ZNF469: variants seen among roughly 807,000 people sequenced by gnomAD.
ZNF469 encodes the protein zinc finger protein 469.
In ZNF469, 1 loss-of-function variant was observed where a neutral mutation model predicts 1.0. That is an observed-to-expected ratio of 1.00 (90% CI 0.35 to 4.73). The LOEUF is 4.73. Ranked by LOEUF, ZNF469 falls within the 30% of genes most tolerant of loss-of-function variation. ZNF469 has a pLI of 0.16. For synonymous variants in ZNF469, 2,703 were observed against 2,363.4 expected (o/e 1.14, Z -4.17); for missense variants, 6,100 against 5,356.3 (o/e 1.14, Z -4.33).
intron 1 of ZNF469, among the ~76,000 whole-genome samples, chr16:88,401,163 A>G (rs1176092747): frequency 6.6e-6 from 1 of 152,188 alleles, no homozygotes; most frequent in African/African-American, 2.4e-5. Context: ...TGGGACCCAG[A>G]GACAACCAAG....
chr16:88,241,484 C>T, the ZNF469 span, among the ~76,000 whole-genome samples: 6 of 152,124 alleles, frequency 3.9e-5, no homozygotes, highest in Non-Finnish European at 7.3e-5. The surrounding 1 kb of genome is among the most constrained non-coding windows in gnomAD (Gnocchi z 4.8). Context: ...ACAGTGCTCT[C>T]ACTGGGGTGG....
At chr16:88,185,745 C>T in the ZNF469 span, among the ~76,000 whole-genome samples, 24 of 103,520 alleles carry the variant, frequency 2.3e-4, no homozygotes, top group African/African-American at 9.2e-4. Context: ...CATACACACT[C>T]GTGTGCCCAG....
At chr16:88,349,359 C>T in the ZNF469 span, among the ~76,000 whole-genome samples, 3 of 151,882 alleles carry the variant, frequency 2.0e-5, no homozygotes, top group African/African-American at 7.3e-5. Context: ...CACAAGTACA[C>T]ACATATCACA....
the ZNF469 span, among the ~76,000 whole-genome samples, chr16:88,288,324 G>A: frequency 6.6e-6 from 1 of 152,144 alleles, no homozygotes; most frequent in Non-Finnish European, 1.5e-5. Context: ...GAACTTGGAT[G>A]TTTTCACATG....
At chr16:88,390,034 C>T (rs1231446145) in intron 1 of ZNF469, among the ~76,000 whole-genome samples, 1 of 152,230 alleles carries the variant, frequency 6.6e-6, no homozygotes, top group Non-Finnish European at 1.5e-5. Context: ...CAGCCTCCTC[C>T]CAAGGGACCC....
chr16:88,307,717 G>A, the ZNF469 span, among the ~76,000 whole-genome samples: 2 of 152,194 alleles, frequency 1.3e-5, no homozygotes, highest in African/African-American at 4.8e-5. Context: ...TGTTGCAAGA[G>A]TTCTTTATGT....
chr16:88,149,535 G>T, the ZNF469 span, among the ~76,000 whole-genome samples: 5 of 152,134 alleles, frequency 3.3e-5, no homozygotes, highest in African/African-American at 1.2e-4. Context: ...CCTTTGCAGC[G>T]CTGTGGCTTG....
the ZNF469 span, among the ~76,000 whole-genome samples, chr16:88,213,394 C>T: frequency 3.3e-5 from 5 of 152,132 alleles, no homozygotes; most frequent in Non-Finnish European, 5.9e-5. Context: ...CCACCGCGCC[C>T]GGCCTCTGTT....
At chr16:88,281,006 T>G in the ZNF469 span, among the ~76,000 whole-genome samples, 2 of 149,030 alleles carry the variant, frequency 1.3e-5, no homozygotes, top group African/African-American at 2.5e-5. Context: ...GTGTCAATTT[T>G]GGCACACAGA....
At chr16:88,195,637 T>C in the ZNF469 span, among the ~76,000 whole-genome samples, 1 of 152,126 alleles carries the variant, frequency 6.6e-6, no homozygotes, top group Admixed American at 6.5e-5. Context: ...GTAACAGTCC[T>C]CGAGAGGGCA....
At chr16:88,183,346 C>G in the ZNF469 span, among the ~76,000 whole-genome samples, 1 of 152,218 alleles carries the variant, frequency 6.6e-6, no homozygotes, top group Non-Finnish European at 1.5e-5. Context: ...CAAACCTGCA[C>G]GCAAATGTCT....
At chr16:88,212,460 C>G in the ZNF469 span, among the ~76,000 whole-genome samples, 1 of 152,112 alleles carries the variant, frequency 6.6e-6, no homozygotes, top group Non-Finnish European at 1.5e-5. Context: ...CAGTGGTATC[C>G]CTGAATTTTC....
At chr16:88,381,317 C>G (rs2092524287), upstream of ZNF469, among the ~76,000 whole-genome samples, 1 of 151,028 alleles carries the variant, frequency 6.6e-6, no homozygotes, top group South Asian at 2.1e-4. Flanking sequence ...CATGCACTCA[C>G]ACACAGAGAC....
At chr16:88,197,333 G>T in the ZNF469 span, among the ~76,000 whole-genome samples, 46 of 152,220 alleles carry the variant, frequency 3.0e-4, 1 homozygote, top group African/African-American at 1.1e-3. Flanking sequence ...TTGGCCACTA[G>T]AGCAGGAGCG....
At chr16:88,221,094 C>T in the ZNF469 span, among the ~76,000 whole-genome samples, 9 of 152,256 alleles carry the variant, frequency 5.9e-5, no homozygotes, top group East Asian at 9.7e-4. Flanking sequence ...TGCTCCTACT[C>T]GGTGTCACTG....
the ZNF469 span, among the ~76,000 whole-genome samples, chr16:88,124,894 G>A: frequency 6.6e-6 from 1 of 152,198 alleles, no homozygotes; most frequent in Admixed American, 6.5e-5. Context: ...AAGAATAGAA[G>A]TTTTCGATGT....
rs1213748610 is a variant in ZNF469, at chr16:88,431,022, C to T, written c.3552C>T (p.Ala1184=). 8 of 1,544,982 alleles carry T rather than the reference C, an allele frequency of 5.2e-6. No homozygotes were observed. In the African/African-American group the frequency reaches 6.9e-5, roughly 13 times the overall value. ...PSRSLETGAA[A]REGGPKCADR... ...GAAGCCTGGAGACGGGAGCGGCCGC[C>T]AGGGAGGGAGGCCCCAAGTGTGCTG... Residue 1184 remains alanine (A), a synonymous_variant, in exon 3 of 3, where the codon GCC becomes GCT. Transcript: ENST00000565624.
the ZNF469 span, among the ~76,000 whole-genome samples, chr16:88,237,660 C>A: frequency 9.8e-5 from 2 of 20,464 alleles, no homozygotes; most frequent in African/African-American, 2.7e-4. Flanking sequence ...CCCTCCCTGC[C>A]CTCCGTGCTC....
At chr16:88,284,843 A>T in the ZNF469 span, among the ~76,000 whole-genome samples, 859 of 152,366 alleles carry the variant, frequency 5.6e-3, 7 homozygotes, top group African/African-American at 0.02. Flanking sequence ...GTCCCCACAC[A>T]TGGATTCCTG....
Sources: allele counts gnomAD v4.1 joint callset (sites outside exome capture counted in the v4.1 genomes callset), GRCh38; gene constraint gnomAD v4.1.1; non-coding constraint Gnocchi (gnomAD v3.1); transcripts MANE v1.5; gene names NCBI Gene and HGNC (gene_info 2026-07-23, HGNC 2026-07-21).